Variants in MCM9 observed in about 807,000 individuals in gnomAD.
MCM9 encodes DNA helicase MCM9.
A neutral mutation model predicts 72.8 loss-of-function variants in MCM9; 55 were observed. That is an observed-to-expected ratio of 0.76 (90% CI 0.61 to 0.95). The LOEUF (loss-of-function observed/expected upper bound fraction) is 0.95. Among genes scored for constraint, MCM9 ranks in the 40% least tolerant of loss-of-function variants. MCM9 has a pLI of 0.00. For synonymous variants in MCM9, 480 were observed against 503.4 expected, an observed-to-expected ratio of 0.95 and a Z score of 0.62; for missense variants, 1,279 against 1,377.0, an observed-to-expected ratio of 0.93 and a Z score of 1.13.
chr6:118,829,684 T>C (rs1028256323), intron 9 of MCM9, among the ~76,000 whole-genome samples: 4 of 152,184 alleles, frequency 2.6e-5, no homozygotes, highest in African/African-American at 7.2e-5. Flanking sequence ...AAGCAAACAC[T>C]GTGAAGCAGC....
intron 9 of MCM9, among the ~76,000 whole-genome samples, chr6:118,833,933 T>G (rs1234099689): frequency 6.6e-6 from 1 of 152,182 alleles, no homozygotes; most frequent in East Asian, 1.9e-4. Context: ...ATGTGCAGGT[T>G]TGTTACATAG....
At chr6:118,860,814 G>A (rs901552446) in intron 8 of MCM9, among the ~76,000 whole-genome samples, 1 of 152,220 alleles carries the variant, frequency 6.6e-6, no homozygotes, top group Non-Finnish European at 1.5e-5. Context: ...GAGTGGGGAT[G>A]GTTTAGGGAT....
chr6:118,863,365 TA>T (rs1300382610), intron 8 of MCM9, among the ~76,000 whole-genome samples: 1 of 152,066 alleles, frequency 6.6e-6, no homozygotes, highest in Non-Finnish European at 1.5e-5. Context: ...GCAACCACTT[TA>T]AAAAAAGTTT....
At chr6:118,893,922 TC>T in intron 8 of MCM9, 1 of 721,538 alleles carries the variant, frequency 1.4e-6, no homozygotes, top group Non-Finnish European at 1.7e-6. Flanking sequence ...GATCGCGCCC[TC>T]CCGCCGCAGC....
chr6:118,878,746 T>C (rs1052811840), intron 8 of MCM9, among the ~76,000 whole-genome samples: 2 of 151,864 alleles, frequency 1.3e-5, no homozygotes, highest in Admixed American at 1.3e-4. Context: ...CATTAGAAAA[T>C]ATATATTTAA....
At chr6:118,839,207 G>C (rs1016315675) in intron 9 of MCM9, among the ~76,000 whole-genome samples, 1 of 151,476 alleles carries the variant, frequency 6.6e-6, no homozygotes, top group Non-Finnish European at 1.5e-5. Context: ...TCTTCTGCTT[G>C]ATCAATTCAG....
chr6:118,823,417 C>T (rs1044921042), intron 13 of MCM9, among the ~76,000 whole-genome samples: 2 of 152,282 alleles, frequency 1.3e-5, no homozygotes, highest in Non-Finnish European at 2.9e-5. Flanking sequence ...CTTCTGTGGG[C>T]TGCACCCACT....
rs1199370804 is a variant in MCM9 at position 118,826,844 on chromosome 6, G to A, written c.1753C>T (p.Arg585Cys). 18 of 1,550,138 alleles carry A rather than the reference G, an allele frequency of 1.2e-5. No homozygotes were observed. Among genetic ancestry groups the A allele is most frequent in the Admixed American group, 5.9e-5 (3 of 50,936 alleles). The change falls in exon 12 of 14, where the codon CGT (arginine) becomes TGT (cysteine). Residue 585 changes from arginine to cysteine, a missense_variant. Physicochemically the swap from Arg to Cys is radical, Grantham distance 180. Transcript: ENST00000619706. ...LAEAHARLMF[R>C]DTVTLEDAIT... ...GCGTCTTCCAGAGTTACAGTATCAC[G>A]AAACATCAGGCGAGCATGAGCTAAG...
chr6:118,833,363 A>T (rs1774727079), intron 9 of MCM9, among the ~76,000 whole-genome samples: 1 of 152,178 alleles, frequency 6.6e-6, no homozygotes, highest in Non-Finnish European at 1.5e-5. Context: ...AAATTGAAAA[A>T]AGCTTGAACA....
At chr6:118,869,482 AAC>A (rs1777440995) in intron 8 of MCM9, among the ~76,000 whole-genome samples, 1 of 151,908 alleles carries the variant, frequency 6.6e-6, no homozygotes, top group South Asian at 2.1e-4. Flanking sequence ...CCTCAGGGTA[AAC>A]ACAGAACAAA....
intron 9 of MCM9, among the ~76,000 whole-genome samples, chr6:118,830,202 A>G (rs1321272664): frequency 6.6e-6 from 1 of 152,172 alleles, no homozygotes; most frequent in Non-Finnish European, 1.5e-5. Flanking sequence ...TGAATCTGTA[A>G]ATTTGTATGC....
At chr6:118,872,039 C>T (rs1777630842) in intron 8 of MCM9, among the ~76,000 whole-genome samples, 2 of 151,914 alleles carry the variant, frequency 1.3e-5, no homozygotes, top group Admixed American at 1.3e-4. Context: ...TAATAAAGGC[C>T]GGGCGCGGTG....
chr6:118,861,516 A>G (rs1776903461), intron 8 of MCM9, among the ~76,000 whole-genome samples: 1 of 152,174 alleles, frequency 6.6e-6, no homozygotes, highest in Admixed American at 6.5e-5. Context: ...CAAGGTGGAG[A>G]GGAGCTTCAT....
rs185460385 is a variant in MCM9 at position 118,846,236 on chromosome 6, A to G, written c.1325+10135T>C. 4.1e-4 allele frequency among the ~76,000 whole-genome samples: 62 copies of G among 152,016 alleles called. 1 individual carries two copies. Among genetic ancestry groups the G allele is most frequent in the Admixed American group, 1.4e-3 (22 of 15,290 alleles). ...AAACAAAGCAAGCAAATAAACCCAT[A>G]AAACAAAACTCATCAAACTAAAAAC... On this transcript the variant is annotated intron_variant, in intron 9 of 13. Transcript: ENST00000619706.
At chr6:118,882,753 T>G (rs1355209942) in intron 8 of MCM9, among the ~76,000 whole-genome samples, 1 of 151,938 alleles carries the variant, frequency 6.6e-6, no homozygotes, top group East Asian at 1.9e-4. Flanking sequence ...AGGAGTAACA[T>G]CAGCGACTTC....
intron 4 of MCM9, among the ~76,000 whole-genome samples, chr6:118,923,220 A>G (rs1316133576): frequency 6.6e-6 from 1 of 152,076 alleles, no homozygotes; most frequent in Non-Finnish European, 1.5e-5. Flanking sequence ...AGTGTTTACA[A>G]ATACTTCATT....
intron 9 of MCM9, among the ~76,000 whole-genome samples, chr6:118,834,571 C>A (rs1031044479): frequency 6.6e-6 from 1 of 152,148 alleles, no homozygotes; most frequent in Non-Finnish European, 1.5e-5. Context: ...GACATAGTAC[C>A]TAATTGTGGT....
intron 8 of MCM9, among the ~76,000 whole-genome samples, chr6:118,865,754 A>G (rs1393479236): frequency 6.6e-6 from 1 of 152,222 alleles, no homozygotes; most frequent in Non-Finnish European, 1.5e-5. Flanking sequence ...AGCAAGTGCC[A>G]TAACTTCTAT....
At chr6:118,854,339 C>T (rs145440406) in intron 9 of MCM9, among the ~76,000 whole-genome samples, 2,135 of 152,098 alleles carry the variant, frequency 0.014, 45 homozygotes, top group African/African-American at 0.049. Context: ...AAGTATGAGA[C>T]GCAGGTGTTT....
Sources: allele counts gnomAD v4.1 joint callset (sites outside exome capture counted in the v4.1 genomes callset), GRCh38; gene constraint gnomAD v4.1.1; transcripts MANE v1.5; gene names NCBI Gene and HGNC (gene_info 2026-07-23, HGNC 2026-07-21).